The following NF2 variants were observed in gnomAD, a reference collection of about 807,000 sequenced individuals.
NF2 encodes NF2, moesin-ezrin-radixin like (MERLIN) tumor suppressor, also known as merlin.
A neutral mutation model predicts 83.7 loss-of-function variants in NF2; 8 were observed. That is an observed-to-expected ratio of 0.10 (90% CI 0.06 to 0.17). The LOEUF (loss-of-function observed/expected upper bound fraction) is 0.17. Among genes scored for constraint, NF2 ranks in the 10% least tolerant of loss-of-function variants. The probability of loss-of-function intolerance (pLI) is 1.00; values close to 1 mark genes in which losing one functional copy is unlikely to be tolerated. For synonymous variants in NF2, 266 were observed against 269.6 expected (o/e 0.99, Z 0.13); for missense variants, 533 against 744.4 (o/e 0.72, Z 3.31).
chr22:29,656,816 C>T (rs1422659220), intron 6 of NF2, among the ~76,000 whole-genome samples: 1 of 152,040 alleles, frequency 6.6e-6, no homozygotes, highest in African/African-American at 2.4e-5. Flanking sequence ...CCTGTTTATA[C>T]ATGCCTGTCG....
At chr22:29,606,548 T>C (rs2064803148) in intron 1 of NF2, among the ~76,000 whole-genome samples, 2 of 152,218 alleles carry the variant, frequency 1.3e-5, no homozygotes, top group South Asian at 4.1e-4. Flanking sequence ...CTAATCTCTT[T>C]CCAATGGCAG....
At chr22:29,654,484 C>T (rs1168805954) in intron 4 of NF2, among the ~76,000 whole-genome samples, 173 bp from the exon 5 acceptor site, 1 of 152,200 alleles carries the variant, frequency 6.6e-6, no homozygotes, top group Non-Finnish European at 1.5e-5. Flanking sequence ...TAGATATAAT[C>T]AGCTTTGTAT....
chr22:29,629,106 C>CT (rs2065444976), intron 1 of NF2, among the ~76,000 whole-genome samples: 1 of 152,082 alleles, frequency 6.6e-6, no homozygotes, highest in Admixed American at 6.5e-5. Context: ...TGGTGGATCT[C>CT]TTTTCCCCTC....
chr22:29,696,091 C>CTT lies in NF2; in HGVS notation c.*1289_*1290insTT. On this transcript the variant is annotated 3_prime_UTR_variant, in exon 16 of 16. Transcript: ENST00000338641. ...CTTTTTTTTTTTTTTTTTTTTTTTC[C>CTT]GAGATGGAGTCTCTCTCTGTCACCC... The CTT allele has an allele frequency of 5.4e-6, 1 of 185,962 alleles. No individual in the cohort carries two copies. 11.5% of individuals were successfully genotyped at this position (185,962 alleles called of 1,614,324 possible). A position where few individuals can be genotyped will look rare whatever the true frequency, so the allele number is the denominator to read the frequency against.
intron 12 of NF2, among the ~76,000 whole-genome samples, chr22:29,673,964 G>A (rs183427976): frequency 1.1e-4 from 17 of 152,332 alleles, no homozygotes; most frequent in South Asian, 4.1e-4. Flanking sequence ...AGGAGGGCTA[G>A]GATGATCTCT....
intron 1 of NF2, among the ~76,000 whole-genome samples, chr22:29,632,280 C>T (rs578015084): frequency 2.0e-5 from 3 of 152,240 alleles, no homozygotes; most frequent in African/African-American, 7.2e-5. Flanking sequence ...TGCCTCTAGA[C>T]TTGTGCATAT....
chr22:29,680,083 C>T (rs1311435235), intron 14 of NF2, among the ~76,000 whole-genome samples: 1 of 151,274 alleles, frequency 6.6e-6, no homozygotes, highest in African/African-American at 2.4e-5. Flanking sequence ...AGGCTCTACC[C>T]TCATGACTGC....
intron 10 of NF2, among the ~76,000 whole-genome samples, chr22:29,670,344 T>A (rs2066746475): frequency 6.6e-6 from 1 of 152,114 alleles, no homozygotes; most frequent in African/African-American, 2.4e-5. Context: ...TTCTTTTTTT[T>A]TAAAAGAATT....
At chr22:29,642,947 A>C (rs2065853253) in intron 4 of NF2, among the ~76,000 whole-genome samples, 1 of 151,492 alleles carries the variant, frequency 6.6e-6, no homozygotes, top group South Asian at 2.1e-4. Context: ...ACTTCCGTTA[A>C]ATCACTATAG....
chr22:29,608,940 C>T (rs9614006), intron 1 of NF2: 137,770 of 583,680 alleles, frequency 0.24, 17,449 homozygotes, highest in Non-Finnish European at 0.28. Flanking sequence ...ATCCTCAATG[C>T]TACCTGGCCA....
intron 15 of NF2, among the ~76,000 whole-genome samples, chr22:29,688,462 A>G (rs1031922560): frequency 2.6e-5 from 4 of 152,234 alleles, no homozygotes; most frequent in Admixed American, 6.5e-5. Context: ...TTAAAATGAC[A>G]TCAGTCTATC....
At chr22:29,624,925 C>G (rs1439834255) in intron 1 of NF2, among the ~76,000 whole-genome samples, 2 of 145,314 alleles carry the variant, frequency 1.4e-5, no homozygotes, top group Non-Finnish European at 3.0e-5. Context: ...CTCTCTCTTT[C>G]TTTCTTTCTT....
Position 29,604,478 on chromosome 22 carries a change from C to T in NF2, c.114+366C>T, listed in dbSNP as rs536982595. ...AAGTTGCGTCTTGTTTATTGGAAAGCCAATACTTGTTTCCCTTTTCTAAAG... is the reference window on the plus strand; with the variant it reads ...AAGTTGCGTCTTGTTTATTGGAAAGTCAATACTTGTTTCCCTTTTCTAAAG... On this transcript the variant is annotated intron_variant, in intron 1 of 15. Coordinates refer to ENST00000338641, the MANE Select transcript of NF2 (RefSeq NM_000268.4). 3.3e-5 allele frequency among the ~76,000 whole-genome samples: 5 copies of T among 152,278 alleles called. No individual in the cohort carries two copies. In the South Asian group the frequency reaches 1.0e-3, roughly 32 times the overall value.
intron 1 of NF2, among the ~76,000 whole-genome samples, chr22:29,625,011 C>T (rs2065326638): frequency 6.6e-6 from 1 of 151,248 alleles, no homozygotes; most frequent in Non-Finnish European, 1.5e-5. Context: ...CGGCTCACTG[C>T]AACCTCCGCC....
intron 9 of NF2, among the ~76,000 whole-genome samples, chr22:29,665,933 A>G (rs1431700615): frequency 6.6e-6 from 1 of 152,152 alleles, no homozygotes; most frequent in Non-Finnish European, 1.5e-5. Context: ...TATTTCATAT[A>G]TGGCAAAAGA....
At chr22:29,690,998 T>G (rs1253011046) in intron 15 of NF2, among the ~76,000 whole-genome samples, 1 of 152,214 alleles carries the variant, frequency 6.6e-6, no homozygotes, top group Non-Finnish European at 1.5e-5. Flanking sequence ...TTGGCTCACT[T>G]GTCTTCAGAA....
At chr22:29,611,224 A>G (rs951936314) in intron 1 of NF2, among the ~76,000 whole-genome samples, 21 of 152,218 alleles carry the variant, frequency 1.4e-4, no homozygotes, top group African/African-American at 4.8e-4. Flanking sequence ...AGCTAACTTC[A>G]TAATAGTGAG....
At chr22:29,631,123 A>G (rs2065499019) in intron 1 of NF2, among the ~76,000 whole-genome samples, 2 of 152,184 alleles carry the variant, frequency 1.3e-5, no homozygotes, top group South Asian at 4.1e-4. Context: ...CTGAAGCTGC[A>G]TATTCAGTAC....
Position 29,639,120 on chromosome 22 carries a change from C to G in NF2, c.271C>G (p.Pro91Ala), listed in dbSNP as rs1555987645. 1 of 1,614,174 alleles carries G rather than the reference C, an allele frequency of 6.2e-7. No individual in the cohort carries two copies. The highest frequency in any genetic ancestry group is 8.5e-7 in the Non-Finnish European group (1 of 1,180,024). ...GGATCATGATGTTTCAAAGGAAGAA[C>G]CAGTCACCTTTCACTTCTTGGCCAA... ...VLDHDVSKEE[P>A]VTFHFLAKFY... is the part of the protein sequence containing the mutation. Residue 91 changes from proline (P) to alanine (A), a missense_variant, in exon 3 of 16, where the codon CCA becomes GCA. This residue lies in a region of NF2 where 326 missense variants were observed against 475.1 expected (regional missense o/e 0.69). Transcript: ENST00000338641.
Sources: gnomAD v4.1 joint callset for allele counts (sites outside exome capture counted in the v4.1 genomes callset) on GRCh38, gnomAD v4.1.1 for gene constraint, gnomAD v4.1.1 regional missense constraint, MANE v1.5 for transcripts, NCBI Gene and HGNC (gene_info 2026-07-23, HGNC 2026-07-21) for gene names.